The following PCDHA5 variants were observed in gnomAD, a reference collection of about 807,000 sequenced individuals.
PCDHA5 encodes the protein protocadherin alpha 5.
In PCDHA5, 43 loss-of-function variants were observed where a neutral mutation model predicts 61.6. The ratio of observed to expected loss-of-function variants is 0.70; its 90% CI spans 0.55 to 0.90. The LOEUF is 0.90. Among genes scored for constraint, PCDHA5 ranks in the 40% least tolerant of loss-of-function variants. The pLI is 0.00. For missense variants in PCDHA5, 1,298 were observed against 1,222.7 expected (o/e 1.06, Z -0.92); for synonymous variants, 627 against 543.9 (o/e 1.15, Z -2.13).
At chr5:140,884,530 G>A in intron 1 of PCDHA5, 1 of 1,614,062 alleles carries the variant, frequency 6.2e-7, no homozygotes, top group South Asian at 1.1e-5. Context: ...CGCAGCAGAG[G>A]CGGCCGAGGG....
At chr5:140,883,018 G>A (rs1400637236) in intron 1 of PCDHA5, 4 of 1,614,086 alleles carry the variant, frequency 2.5e-6, no homozygotes, top group Admixed American at 1.7e-5. Flanking sequence ...ATAAAGTGAC[G>A]GTGTTAGAGA....
chr5:140,963,766 A>G (rs574963836), intron 1 of PCDHA5, among the ~76,000 whole-genome samples: 1 of 152,372 alleles, frequency 6.6e-6, no homozygotes, highest in South Asian at 2.1e-4. Flanking sequence ...GTTGTATTTC[A>G]TGACGACAGC....
chr5:140,850,829 T>C (rs1431549655), intron 1 of PCDHA5: 6 of 1,597,986 alleles, frequency 3.8e-6, no homozygotes, highest in Non-Finnish European at 4.3e-6. Context: ...GCCTTTCTCC[T>C]TGTGCTGGAT....
rs186179297 is a variant in PCDHA5, at chr5:140,987,139, G to A, written c.2500+4576G>A. Among the ~76,000 whole-genome samples the A allele has an allele frequency of 5.1e-4, 78 of 151,932 alleles. 3 individuals are homozygous for A. The East Asian group carries it at 0.014, about 28-fold the overall frequency. On this transcript the variant is annotated intron_variant, in intron 3 of 3. Transcript: ENST00000529859. The stretch of plus-strand genomic sequence containing the variant: ...TGAGGCAGGAGAATTGCTTGAACTC[G>A]GGAGGTGGAGGTTGCAGTGAGCTGA...
At chr5:141,005,220 C>T (rs2098201724) in intron 3 of PCDHA5, among the ~76,000 whole-genome samples, 1 of 152,192 alleles carries the variant, frequency 6.6e-6, no homozygotes, top group Admixed American at 6.5e-5. Flanking sequence ...CAAGTATTTA[C>T]TAAACACCTG....
At chr5:140,836,414 G>A in intron 1 of PCDHA5, 3 of 1,613,824 alleles carry the variant, frequency 1.9e-6, no homozygotes, top group Non-Finnish European at 1.7e-6. Context: ...AGGCACCAAA[G>A]GCGTCGTCGC....
chr5:140,961,887 GTTT>G (rs35680913), intron 1 of PCDHA5, among the ~76,000 whole-genome samples: 1 of 143,934 alleles, frequency 6.9e-6, no homozygotes. Context: ...ACTTACATCA[GTTT>G]TTTTTTTTTT....
At chr5:140,895,130 G>A (rs1423440826) in intron 1 of PCDHA5, among the ~76,000 whole-genome samples, 11 of 152,232 alleles carry the variant, frequency 7.2e-5, no homozygotes, top group African/African-American at 2.6e-4. Flanking sequence ...TAGTTGACAA[G>A]TTCATAGGGC....
chr5:140,927,136 G>A (rs2083883058), intron 1 of PCDHA5: 3 of 1,613,986 alleles, frequency 1.9e-6, no homozygotes, highest in African/African-American at 2.7e-5. Flanking sequence ...AGAGCCGGCG[G>A]ACCGCGAACA....
At chr5:140,828,499 G>A (rs2150156076) in intron 1 of PCDHA5, 7 of 1,614,142 alleles carry the variant, frequency 4.3e-6, no homozygotes, top group Admixed American at 1.7e-5. Flanking sequence ...TCCCGGTAGA[G>A]GAACAAAGAG....
At chr5:140,846,500 A>G (rs1234725783) in intron 1 of PCDHA5, among the ~76,000 whole-genome samples, 2 of 143,700 alleles carry the variant, frequency 1.4e-5, no homozygotes, top group African/African-American at 2.6e-5. Flanking sequence ...TCAGCCTCCC[A>G]AGTAGCTGGG....
rs2098413689 is a variant in PCDHA5, at chr5:141,009,672, A to G, written c.2546A>G (p.Asn849Ser). Residue 849 changes from asparagine to serine, a missense_variant, in exon 4 of 4, where the codon AAC becomes AGC. Physicochemically the swap from Asn to Ser is conservative, Grantham distance 46. Transcript: ENST00000529859. The stretch of plus-strand genomic sequence containing the variant: ...TCCCCTCCAGTCGGTGCGGGTGTCA[A>G]CAGCAACAGCTGGACCTTTAAATAC... ...EVSPPVGAGV[N>S]SNSWTFKYGP... is the part of the protein sequence containing the mutation. 6.2e-7 allele frequency: 1 copy of G among 1,614,102 alleles called. No homozygotes were observed. The highest frequency in any genetic ancestry group is 1.1e-5 in the South Asian group (1 of 91,070).
In PCDHA5 at chr5:140,946,611, A is replaced by AATATATATATATAT. The variant is rs1554217734; in HGVS notation, c.2353-32330_2353-32317dup. Among the ~76,000 whole-genome samples the AATATATATATATAT allele has an allele frequency of 6.8e-3, 593 of 86,748 alleles. 22 individuals are homozygous for AATATATATATATAT. Among genetic ancestry groups the AATATATATATATAT allele is most frequent in the African/African-American group, 0.021 (323 of 15,664 alleles). The allele number at this position is 86,748 out of a possible 152,430, so 56.9% of individuals were successfully genotyped here. A position where few individuals can be genotyped will look rare whatever the true frequency, so the allele number is the denominator to read the frequency against. On this transcript the variant is annotated intron_variant, in intron 1 of 3. Coordinates refer to ENST00000529859, the MANE Select transcript of PCDHA5 (RefSeq NM_018908.3). ...GGATGAATAGATAAAGAAAATGTGA[A>AATATATATATATAT]ATATATATATATATATATATACAAT... is the stretch of plus-strand genomic sequence containing the variant.
intron 1 of PCDHA5, among the ~76,000 whole-genome samples, chr5:140,845,869 C>A (rs1190017155): frequency 6.7e-6 from 1 of 149,586 alleles, no homozygotes; most frequent in Non-Finnish European, 1.5e-5. Flanking sequence ...TGCAGAAAGG[C>A]AACCTAAAAT....
chr5:140,849,121 A>G (rs2150430770), intron 1 of PCDHA5: 7 of 1,407,396 alleles, frequency 5.0e-6, no homozygotes, highest in Non-Finnish European at 1.9e-6. Context: ...CCGGAGCTTC[A>G]TTTATTGCTC....
chr5:140,842,431 C>T (rs2150335989), intron 1 of PCDHA5: 4 of 1,613,646 alleles, frequency 2.5e-6, no homozygotes, highest in Non-Finnish European at 3.4e-6. Context: ...CTGTCATCGC[C>T]CTAATTAGCG....
intron 1 of PCDHA5, among the ~76,000 whole-genome samples, chr5:140,919,778 A>G (rs1252402940): frequency 2.6e-5 from 4 of 152,170 alleles, no homozygotes; most frequent in Non-Finnish European, 5.9e-5. Context: ...TGTTACACAT[A>G]TTACATCTTG....
chr5:140,895,687 T>G (rs1417809630), intron 1 of PCDHA5, among the ~76,000 whole-genome samples: 2 of 152,184 alleles, frequency 1.3e-5, no homozygotes, highest in African/African-American at 4.8e-5. Flanking sequence ...GTTTTCTGTT[T>G]CTATATTAAT....
intron 3 of PCDHA5, among the ~76,000 whole-genome samples, chr5:140,999,980 C>A (rs1386394350): frequency 6.6e-6 from 1 of 152,076 alleles, no homozygotes; most frequent in Non-Finnish European, 1.5e-5. Context: ...GCTCTAGCGG[C>A]CTCTGGGTAG....
Sources: allele counts gnomAD v4.1 joint callset (sites outside exome capture counted in the v4.1 genomes callset), GRCh38; gene constraint gnomAD v4.1.1; transcripts MANE v1.5; gene names NCBI Gene and HGNC (gene_info 2026-07-23, HGNC 2026-07-21).